The following ANGPTL4 variants were observed in gnomAD, a reference collection of about 807,000 sequenced individuals.
ANGPTL4 encodes angiopoietin-related protein 4.
ANGPTL4 carries 39 observed loss-of-function variants against 39.2 expected under a neutral mutation model. That is an observed-to-expected ratio of 1.00 (90% CI 0.77 to 1.30). The LOEUF (loss-of-function observed/expected upper bound fraction) is 1.30, where lower values mean the gene tolerates loss of function less well. Among genes scored for constraint, ANGPTL4 ranks in the 50% most tolerant of loss-of-function variants. The pLI is 0.00. For missense variants in ANGPTL4, 545 were observed against 549.8 expected, an observed-to-expected ratio of 0.99 and a Z score of 0.09; for synonymous variants, 233 against 229.5, an observed-to-expected ratio of 1.02 and a Z score of -0.14.
At chr19:8,369,105 T>C (rs1164008263) in intron 3 of ANGPTL4, 114 bp from the exon 4 acceptor site, 3 of 750,486 alleles carry the variant, frequency 4.0e-6, no homozygotes, top group Non-Finnish European at 4.6e-6. Flanking sequence ...TGAGATAAGA[T>C]TTGCCTTTTA....
chr19:8,371,736 T>C lies in ANGPTL4; in HGVS notation c.1039+214T>C, dbSNP rs1052172053. Among the ~76,000 whole-genome samples, 1 of 152,152 alleles carries C rather than the reference T, an allele frequency of 6.6e-6. No individual in the cohort carries two copies. Among genetic ancestry groups the C allele is most frequent in the African/African-American group, 2.4e-5 (1 of 41,500 alleles). On this transcript the variant is annotated intron_variant, in intron 6 of 6. Coordinates refer to ENST00000301455, the MANE Select transcript of ANGPTL4 (RefSeq NM_139314.3). The surrounding 1 kb of genome is among the most constrained non-coding windows in gnomAD (Gnocchi z 5.1). ...GACCGTCTTTACTTTTATTTACTTA[T>C]GTGTTTGTTTATTTATTTATTTATG...
chr19:8,364,636 G>T lies in ANGPTL4; in HGVS notation c.315G>T (p.Leu105=), dbSNP rs768188475. 6.3e-7 allele frequency: 1 copy of T among 1,587,836 alleles called. No homozygotes were observed. Among genetic ancestry groups the T allele is most frequent in the Non-Finnish European group, 8.6e-7 (1 of 1,167,942 alleles). ...TGGACCCTGAGGTCCTTCACAGCCT[G>T]CAGGTACGTGTCCCCAGGGCTGGTT... is the stretch of plus-strand genomic sequence containing the variant. ...SRVDPEVLHS[L]QTQLKAQNSR... The change falls in exon 1 of 7, where the codon CTG becomes CTT. Residue 105 remains leucine, a synonymous_variant. Coordinates refer to ENST00000301455, the MANE Select transcript of ANGPTL4 (RefSeq NM_139314.3).
At position 8,366,253 on chromosome 19, in the gene ANGPTL4, C is replaced by T. The variant is rs201770562; in HGVS notation, c.481C>T (p.Arg161Ter). Residue 161 changes from arginine (R) to a stop codon, truncating the protein, a stop_gained, in exon 3 of 7, where the codon CGA (arginine) becomes TGA (stop). Transcript: ENST00000301455. LOFTEE classifies it high-confidence loss of function. Reference protein sequence around the residue: ...HLDHEVAKPARRKRLPEMAQP... With the variant: ...HLDHEVAKPA ...AGACCATGAGGTGGCCAAGCCTGCC[C>T]GAAGAAAGAGGCTGCCCGAGATGGC... 4.4e-5 allele frequency: 71 copies of T among 1,613,922 alleles called. No individual in the cohort carries two copies. The highest frequency in any genetic ancestry group is 5.7e-5 in the Non-Finnish European group (67 of 1,180,020).
Position 8,368,252 on chromosome 19 carries a change from G to A in ANGPTL4, c.548-967G>A, listed in dbSNP as rs143147728. 5.0e-3 allele frequency among the ~76,000 whole-genome samples: 753 copies of A among 151,850 alleles called. 13 individuals carry two copies. Among genetic ancestry groups the A allele is most frequent in the African/African-American group, 0.017 (719 of 41,466 alleles). ...CCAGGCTGGTCTCAAACTCCTGACCGATCCGCCCGCCTCCCAAAGTGCTGG... is the reference window on the plus strand; with the variant it reads ...CCAGGCTGGTCTCAAACTCCTGACCAATCCGCCCGCCTCCCAAAGTGCTGG... On this transcript the variant is annotated intron_variant, in intron 3 of 6. Coordinates refer to ENST00000301455, the MANE Select transcript of ANGPTL4 (RefSeq NM_139314.3).
At chr19:8,372,757 C>T (rs1275277903) in intron 6 of ANGPTL4, among the ~76,000 whole-genome samples, 1 of 151,902 alleles carries the variant, frequency 6.6e-6, no homozygotes, top group African/African-American at 2.4e-5. Context: ...TGCGCCACTG[C>T]ACTCAAGCCT....
Position 8,365,994 on chromosome 19 carries a change from TC to T in ANGPTL4, c.361del (p.His121ThrfsTer32), listed in dbSNP as rs1262143026. 1.2e-6 allele frequency: 2 copies of T among 1,613,840 alleles called. No individual in the cohort carries two copies. The highest frequency in any genetic ancestry group is 1.7e-6 in the Non-Finnish European group (2 of 1,179,992). Reference sequence around the variant, plus strand: ...CAGAACAGCAGGATCCAGCAACTCTTCCACAAGGTGGCCCAGCAGCAGCGGC... The same window carrying T: ...CAGAACAGCAGGATCCAGCAACTCTTCACAAGGTGGCCCAGCAGCAGCGGC... ...KAQNSRIQQL[F>X]HKVAQQQRHL... On this transcript the variant is annotated frameshift_variant, in exon 2 of 7. Coordinates refer to ENST00000301455, the MANE Select transcript of ANGPTL4 (RefSeq NM_139314.3). LOFTEE classifies it high-confidence loss of function.
At position 8,371,744 on chromosome 19, in the gene ANGPTL4, T is replaced by C. The variant is rs563116750; in HGVS notation, c.1039+222T>C. On this transcript the variant is annotated intron_variant, in intron 6 of 6. Coordinates refer to ENST00000301455, the MANE Select transcript of ANGPTL4 (RefSeq NM_139314.3). This position sits in a 1 kb window ranked among gnomAD's most constrained non-coding sequence, Gnocchi z 5.1. Reference sequence around the variant, plus strand: ...TTACTTTTATTTACTTATGTGTTTGTTTATTTATTTATTTATGTATTTATT... The same window carrying C: ...TTACTTTTATTTACTTATGTGTTTGCTTATTTATTTATTTATGTATTTATT... 4.2e-5 allele frequency among the ~76,000 whole-genome samples: 6 copies of C among 143,814 alleles called. No homozygotes were observed. In the East Asian group the frequency reaches 1.2e-3, roughly 28 times the overall value. 94.3% of individuals were successfully genotyped at this position (143,814 alleles called of 152,430 possible).
chr19:8,364,260 G>A lies in ANGPTL4; in HGVS notation c.-62G>A. 6.7e-7 allele frequency: 1 copy of A among 1,490,762 alleles called. No individual in the cohort carries two copies. Among genetic ancestry groups the A allele is most frequent in the South Asian group, 1.2e-5 (1 of 80,676 alleles). 92.3% of individuals were successfully genotyped at this position (1,490,762 alleles called of 1,614,324 possible). On this transcript the variant is annotated 5_prime_UTR_variant, in exon 1 of 7. Coordinates refer to ENST00000301455, the MANE Select transcript of ANGPTL4 (RefSeq NM_139314.3). ...CCGGTCCTCCGCGTCTCCAGTCCTC[G>A]CACCTGGAACCCCAACGTCCCCGAG...
At chr19:8,373,678 A>G in intron 6 of ANGPTL4, 27 bp from the exon 7 acceptor site, 11 of 1,613,432 alleles carry the variant, frequency 6.8e-6, no homozygotes, top group Non-Finnish European at 9.3e-6. Flanking sequence ...AGACCTGACC[A>G]TGTTCCCTCT....
At chr19:8,368,024 C>CTCTTTTTT (rs1971041289) in intron 3 of ANGPTL4, among the ~76,000 whole-genome samples, 1 of 129,184 alleles carries the variant, frequency 7.7e-6, no homozygotes, top group South Asian at 2.5e-4. Flanking sequence ...TTTATCAAGT[C>CTCTTTTTT]TTTTTTTTTT....
intron 3 of ANGPTL4, among the ~76,000 whole-genome samples, chr19:8,366,966 C>A (rs1476165649): frequency 1.4e-5 from 2 of 147,284 alleles, no homozygotes; most frequent in Non-Finnish European, 3.0e-5. Flanking sequence ...CTCCGTTCAT[C>A]TCGAACCACA....
At chr19:8,365,521 A>G (rs1335968053) in intron 1 of ANGPTL4, among the ~76,000 whole-genome samples, 1 of 150,794 alleles carries the variant, frequency 6.6e-6, no homozygotes, top group Non-Finnish European at 1.5e-5. Flanking sequence ...AAATACAAAA[A>G]TTAGCCAGGT....
intron 4 of ANGPTL4, among the ~76,000 whole-genome samples, chr19:8,369,665 G>A (rs1197424786): frequency 6.6e-6 from 1 of 151,844 alleles, no homozygotes; most frequent in African/African-American, 2.4e-5. Flanking sequence ...TGTTGGTCTG[G>A]CTGGTCTCAA....
At position 8,373,822 on chromosome 19, in the gene ANGPTL4, G is replaced by A. The variant is rs1158178981; in HGVS notation, c.1157G>A (p.Arg386His). The A allele has an allele frequency of 1.5e-5, 25 of 1,613,736 alleles. No individual in the cohort carries two copies. The highest frequency in any genetic ancestry group is 6.7e-5 in the African/African-American group (5 of 74,932). The change falls in exon 7 of 7, where the codon CGC becomes CAC. Residue 386 changes from arginine (R) to histidine (H), a missense_variant. Arg to His is a conservative substitution (Grantham distance 29). Coordinates refer to ENST00000301455, the MANE Select transcript of ANGPTL4 (RefSeq NM_139314.3). Reference protein sequence around the residue: ...KGIFWKTWRGRYYPLQATTML... With the variant: ...KGIFWKTWRGHYYPLQATTML... ...ATCTTCTGGAAGACCTGGCGGGGCC[G>A]CTACTACCCGCTGCAGGCCACCACC...
At chr19:8,370,165 C>T (rs12981217) in intron 4 of ANGPTL4, among the ~76,000 whole-genome samples, 14,614 of 151,768 alleles carry the variant, frequency 0.096, 961 homozygotes, top group Middle Eastern at 0.16. Context: ...ATGACGCCAC[C>T]GCACTCCAGC....
chr19:8,366,269 C>T lies in ANGPTL4; in HGVS notation c.497C>T (p.Pro166Leu), dbSNP rs372330978. 2.0e-5 allele frequency: 33 copies of T among 1,614,096 alleles called. No individual in the cohort carries two copies. In the East Asian group the frequency reaches 5.3e-4, roughly 26 times the overall value. ...AAGCCTGCCCGAAGAAAGAGGCTGC[C>T]CGAGATGGCCCAGCCAGTTGACCCG... is the stretch of plus-strand genomic sequence containing the variant. ...VAKPARRKRL[P>L]EMAQPVDPAH... The change falls in exon 3 of 7, where the codon CCC (proline) becomes CTC (leucine). Residue 166 changes from proline (P) to leucine (L), a missense_variant. By Grantham distance (98) the Pro-to-Leu change is moderately conservative. Transcript: ENST00000301455.
chr19:8,364,862 TACACAC>T (rs34409703), intron 1 of ANGPTL4, among the ~76,000 whole-genome samples: 1 of 148,950 alleles, frequency 6.7e-6, no homozygotes, highest in Non-Finnish European at 1.5e-5. Context: ...CCGTCTCTTC[TACACAC>T]ACACACACAC....
Position 8,371,336 on chromosome 19 carries a change from G to A in ANGPTL4, c.853G>A (p.Glu285Lys), listed in dbSNP as rs1384396557. The part of the protein sequence containing the change: ...VQLRDWDGNA[E>K]LLQFSVHLGG... ...GCTGCGGGACTGGGATGGCAACGCC[G>A]AGTTGCTGCAGTTCTCCGTGCACCT... The change falls in exon 6 of 7, where the codon GAG becomes AAG. Residue 285 changes from glutamate to lysine, a missense_variant. By Grantham distance (56) the Glu-to-Lys change is moderately conservative. Coordinates refer to ENST00000301455, the MANE Select transcript of ANGPTL4 (RefSeq NM_139314.3). This position sits in a 1 kb window ranked among gnomAD's most constrained non-coding sequence, Gnocchi z 5.1. The A allele has an allele frequency of 1.2e-6, 2 of 1,613,798 alleles. No homozygotes were observed. Among genetic ancestry groups the A allele is most frequent in the South Asian group, 1.1e-5 (1 of 91,084 alleles).
chr19:8,367,105 C>T (rs1427455403), intron 3 of ANGPTL4, among the ~76,000 whole-genome samples: 1 of 152,078 alleles, frequency 6.6e-6, no homozygotes, highest in African/African-American at 2.4e-5. Context: ...AGTTTGGATC[C>T]CCCTCTCACA....
Sources: gnomAD v4.1 joint callset for allele counts (sites outside exome capture counted in the v4.1 genomes callset) on GRCh38, gnomAD v4.1.1 for gene constraint, Gnocchi (gnomAD v3.1) non-coding constraint, MANE v1.5 for transcripts, NCBI Gene and HGNC (gene_info 2026-07-23, HGNC 2026-07-21) for gene names.